Variants in RBMS3 observed in about 807,000 individuals in gnomAD.
The protein encoded by RBMS3 is RNA binding motif single stranded interacting protein 3.
In RBMS3, 27 loss-of-function variants were observed where a neutral mutation model predicts 66.8. That is an observed-to-expected ratio of 0.40 (90% CI 0.30 to 0.56). The LOEUF is 0.56. Ranked by LOEUF, RBMS3 falls within the 20% of genes least tolerant of loss-of-function variation. The pLI, the probability that RBMS3 is intolerant of heterozygous loss-of-function variation, is 0.40. For missense variants in RBMS3, 513 were observed against 549.5 expected (o/e 0.93, Z 0.66); for synonymous variants, 188 against 183.0 (o/e 1.03, Z -0.22).
chr3:29,405,990 A>T (rs1191159791), intron 1 of RBMS3, among the ~76,000 whole-genome samples: 1 of 152,196 alleles, frequency 6.6e-6, no homozygotes, highest in African/African-American at 2.4e-5. Context: ...GCATATCCTA[A>T]TTGTTACATT....
intron 4 of RBMS3, among the ~76,000 whole-genome samples, chr3:29,630,183 G>A (rs1297549065): frequency 6.6e-6 from 1 of 151,942 alleles, no homozygotes; most frequent in African/African-American, 2.4e-5. Flanking sequence ...ACAAGAAATA[G>A]GTTAATAGTC....
At chr3:29,628,823 A>G (rs999054265) in intron 4 of RBMS3, among the ~76,000 whole-genome samples, 10 of 152,140 alleles carry the variant, frequency 6.6e-5, no homozygotes, top group African/African-American at 2.4e-4. Context: ...GGAAAGCATA[A>G]GCAAATTAAG....
At chr3:29,450,931 ACC>A (rs377592236) in intron 2 of RBMS3, among the ~76,000 whole-genome samples, 11,550 of 59,100 alleles carry the variant, frequency 0.2, 570 homozygotes, top group Admixed American at 0.32. Flanking sequence ...ACACACACAC[ACC>A]CCCCACACAC....
intron 2 of RBMS3, among the ~76,000 whole-genome samples, chr3:29,442,207 C>G (rs182247911): frequency 2.4e-4 from 37 of 151,264 alleles, no homozygotes; most frequent in African/African-American, 8.7e-4. Flanking sequence ...TCTATATATA[C>G]TTACATTTTT....
chr3:29,953,050 G>A (rs1695785751), intron 12 of RBMS3, among the ~76,000 whole-genome samples: 1 of 151,870 alleles, frequency 6.6e-6, no homozygotes, highest in Admixed American at 6.6e-5. Flanking sequence ...TGAAACAAGG[G>A]AAAATATATA....
At chr3:29,417,213 G>A (rs368357112) in intron 1 of RBMS3, among the ~76,000 whole-genome samples, 21 of 151,514 alleles carry the variant, frequency 1.4e-4, no homozygotes, top group South Asian at 2.1e-4. Flanking sequence ...TTGAAATTTC[G>A]TTTTTATTCT....
chr3:29,466,862 CTTAA>C (rs1488578797), intron 2 of RBMS3, among the ~76,000 whole-genome samples: 2 of 151,868 alleles, frequency 1.3e-5, no homozygotes, highest in Non-Finnish European at 2.9e-5. Context: ...TGAATGTCTG[CTTAA>C]TTGTTTTATT....
chr3:29,484,466 C>T (rs1002775476), intron 2 of RBMS3, among the ~76,000 whole-genome samples: 1 of 152,140 alleles, frequency 6.6e-6, no homozygotes, highest in Non-Finnish European at 1.5e-5. Context: ...ATATTGGATT[C>T]GGGCCTATCG....
chr3:29,729,518 G>T (rs1364750550), intron 4 of RBMS3, among the ~76,000 whole-genome samples: 1 of 152,082 alleles, frequency 6.6e-6, no homozygotes, highest in African/African-American at 2.4e-5. Flanking sequence ...TAGGATTGCT[G>T]GATCAAATGC....
chr3:29,853,423 C>CTTTTCTTT (rs2058987482), intron 6 of RBMS3, among the ~76,000 whole-genome samples: 3 of 84,542 alleles, frequency 3.5e-5, no homozygotes, highest in East Asian at 3.7e-4. Context: ...AATTTACTTT[C>CTTTTCTTT]TTTTTTTTTT....
intron 4 of RBMS3, among the ~76,000 whole-genome samples, chr3:29,713,213 A>G (rs1028495958): frequency 2.0e-5 from 3 of 151,898 alleles, no homozygotes; most frequent in African/African-American, 7.3e-5. Flanking sequence ...TTTCCCCCCC[A>G]TTAATGATCA....
At chr3:29,348,944 C>G (rs1020867358) in intron 1 of RBMS3, among the ~76,000 whole-genome samples, 4 of 152,126 alleles carry the variant, frequency 2.6e-5, no homozygotes, top group African/African-American at 9.7e-5. Context: ...TGCAGTTCAC[C>G]TCATTCTTCA....
chr3:29,834,537 G>T (rs1427537419), intron 6 of RBMS3, among the ~76,000 whole-genome samples: 1 of 151,946 alleles, frequency 6.6e-6, no homozygotes, highest in East Asian at 1.9e-4. Flanking sequence ...AAATTTGTGT[G>T]TGCGATTAAA....
intron 6 of RBMS3, among the ~76,000 whole-genome samples, chr3:29,776,719 A>G (rs951181197): frequency 4.6e-5 from 7 of 151,952 alleles, no homozygotes; most frequent in African/African-American, 1.4e-4. Flanking sequence ...GTATAATTTA[A>G]TAGTTGACGT....
At chr3:29,741,728 A>T (rs2054657988) in intron 5 of RBMS3, among the ~76,000 whole-genome samples, 1 of 152,236 alleles carries the variant, frequency 6.6e-6, no homozygotes, top group Non-Finnish European at 1.5e-5. Flanking sequence ...CTCATACAAC[A>T]TGAATTTATT....
chr3:29,753,204 G>A (rs1288183757), intron 5 of RBMS3, among the ~76,000 whole-genome samples: 1 of 152,104 alleles, frequency 6.6e-6, no homozygotes, highest in East Asian at 1.9e-4. Flanking sequence ...TGCAGTTTTT[G>A]GGGACTAATG....
intron 10 of RBMS3, among the ~76,000 whole-genome samples, chr3:29,923,538 T>G (rs936689482): frequency 2.0e-5 from 3 of 152,142 alleles, no homozygotes; most frequent in Non-Finnish European, 4.4e-5. Context: ...TCAAGTCACC[T>G]GATTTTGCTG....
chr3:29,942,242 G>A (rs1332641259), intron 11 of RBMS3, among the ~76,000 whole-genome samples: 1 of 151,746 alleles, frequency 6.6e-6, no homozygotes, highest in Non-Finnish European at 1.5e-5. Context: ...AGTAAGGCAG[G>A]CTGTAGTGGT....
chr3:29,647,029 G>A (rs1188461827), intron 4 of RBMS3, among the ~76,000 whole-genome samples: 1 of 152,096 alleles, frequency 6.6e-6, no homozygotes, highest in Non-Finnish European at 1.5e-5. Context: ...CCAGGCTGAA[G>A]TGCAGTGGTG....
Sources: gnomAD v4.1 joint callset for allele counts (sites outside exome capture counted in the v4.1 genomes callset) on GRCh38, gnomAD v4.1.1 for gene constraint, MANE v1.5 for transcripts, NCBI Gene and HGNC (gene_info 2026-07-23, HGNC 2026-07-21) for gene names.